The following PPP4R2 variants were observed in gnomAD, a reference collection of about 807,000 sequenced individuals.
PPP4R2 encodes protein phosphatase 4 regulatory subunit 2, also known as serine/threonine-protein phosphatase 4 regulatory subunit 2.
In PPP4R2, 13 loss-of-function variants were observed where a neutral mutation model predicts 47.2. That is an observed-to-expected ratio of 0.28 (90% CI 0.18 to 0.44). The LOEUF (loss-of-function observed/expected upper bound fraction) is 0.44. Among genes scored for constraint, PPP4R2 ranks in the 20% least tolerant of loss-of-function variants. The pLI, the probability that PPP4R2 is intolerant of heterozygous loss-of-function variation, is 1.00. For missense variants in PPP4R2, 421 were observed against 491.2 expected, an observed-to-expected ratio of 0.86 and a Z score of 1.35; for synonymous variants, 151 against 163.3, an observed-to-expected ratio of 0.92 and a Z score of 0.57.
intron 2 of PPP4R2, among the ~76,000 whole-genome samples, chr3:72,999,514 A>G (rs1462699955): frequency 1.3e-5 from 2 of 152,242 alleles, no homozygotes; most frequent in Non-Finnish European, 2.9e-5. Flanking sequence ...GATATACAAG[A>G]TGATATCAAA....
intron 2 of PPP4R2, among the ~76,000 whole-genome samples, chr3:73,021,902 T>TATATATA (rs761206720): frequency 8.9e-6 from 1 of 112,232 alleles, no homozygotes; most frequent in African/African-American, 3.7e-5. Flanking sequence ...ATATATATAT[T>TATATATA]TTTTTTTTTT....
chr3:73,022,317 T>G (rs184386127), intron 2 of PPP4R2, among the ~76,000 whole-genome samples: 11 of 146,768 alleles, frequency 7.5e-5, no homozygotes, highest in Non-Finnish European at 1.4e-4. Context: ...TTTAAGAGAG[T>G]AATTTTTTTC....
At chr3:73,011,368 C>T (rs1701721807) in intron 2 of PPP4R2, among the ~76,000 whole-genome samples, 1 of 152,102 alleles carries the variant, frequency 6.6e-6, no homozygotes, top group African/African-American at 2.4e-5. Context: ...TTAGTCGCAG[C>T]TGCTCGGGAG....
At chr3:73,034,541 T>C (rs1329036333) in intron 2 of PPP4R2, among the ~76,000 whole-genome samples, 2 of 152,184 alleles carry the variant, frequency 1.3e-5, no homozygotes, top group African/African-American at 2.4e-5. Context: ...GCTATAGTTT[T>C]GTTTTGTTTT....
rs149130255 is a variant in PPP4R2, at chr3:73,013,798, C to T, written c.116+15640C>T. ...GGATTACGGGCACGTGCCACCGTGC[C>T]CAGCTAATTTTTTTGTATTTTTAGT... On this transcript the variant is annotated intron_variant, in intron 2 of 8. Coordinates refer to ENST00000356692, the MANE Select transcript of PPP4R2 (RefSeq NM_174907.4). Among the ~76,000 whole-genome samples, 477 of 152,224 alleles carry T rather than the reference C, an allele frequency of 3.1e-3. 1 individual carries two copies. The highest frequency in any genetic ancestry group is 0.014 in the Middle Eastern group (4 of 294).
At chr3:73,044,302 A>G (rs983260602) in intron 2 of PPP4R2, among the ~76,000 whole-genome samples, 1 of 152,112 alleles carries the variant, frequency 6.6e-6, no homozygotes, top group Admixed American at 6.6e-5. Flanking sequence ...GCAATGCACA[A>G]GAGTTTTGGT....
intron 2 of PPP4R2, among the ~76,000 whole-genome samples, chr3:73,019,158 A>G (rs1414235471): frequency 6.6e-6 from 1 of 152,158 alleles, no homozygotes; most frequent in Non-Finnish European, 1.5e-5. Flanking sequence ...ACTTACCATT[A>G]CAGGTTTGCA....
chr3:73,063,097 C>G (rs188538), intron 5 of PPP4R2: 1 of 580,610 alleles, frequency 1.7e-6, no homozygotes, highest in East Asian at 3.2e-5. Context: ...TATTGGGGAG[C>G]TGTCACCACG....
intron 3 of PPP4R2, among the ~76,000 whole-genome samples, chr3:73,053,037 A>C (rs1201223472): frequency 1.3e-5 from 2 of 152,190 alleles, no homozygotes; most frequent in Non-Finnish European, 2.9e-5. Context: ...TGATTCAGGG[A>C]CTGAGAGAAT....
chr3:73,017,497 G>A (rs1186836826), intron 2 of PPP4R2, among the ~76,000 whole-genome samples: 2 of 152,162 alleles, frequency 1.3e-5, no homozygotes, highest in African/African-American at 2.4e-5. Flanking sequence ...CTAGCCACTG[G>A]TGGGTCCCCT....
chr3:73,015,302 C>T (rs950197379), intron 2 of PPP4R2, among the ~76,000 whole-genome samples: 1 of 151,750 alleles, frequency 6.6e-6, no homozygotes, highest in African/African-American at 2.4e-5. Flanking sequence ...GCCTCAGCCT[C>T]CTGAGTAGCT....
At chr3:73,043,684 TAATG>T (rs1384630369) in intron 2 of PPP4R2, among the ~76,000 whole-genome samples, 4 of 152,260 alleles carry the variant, frequency 2.6e-5, no homozygotes, top group Non-Finnish European at 5.9e-5. Context: ...TAATAGATAA[TAATG>T]CTGAGCATCT....
chr3:73,052,739 A>T (rs1327515913), intron 3 of PPP4R2, among the ~76,000 whole-genome samples: 1 of 152,212 alleles, frequency 6.6e-6, no homozygotes, highest in Non-Finnish European at 1.5e-5. Context: ...TGTTACCTCT[A>T]AGTCCTCTCT....
intron 2 of PPP4R2, among the ~76,000 whole-genome samples, chr3:73,029,748 A>G (rs1702134501): frequency 6.6e-6 from 1 of 151,976 alleles, no homozygotes; most frequent in Non-Finnish European, 1.5e-5. Context: ...AAGTGTAGAT[A>G]GAAAAGAGAG....
At position 73,065,708 on chromosome 3, in the gene PPP4R2, A is replaced by G. The variant is rs749611177; in HGVS notation, c.1240A>G (p.Met414Val). The change falls in exon 9 of 9, where the codon ATG becomes GTG. Residue 414 changes from methionine (M) to valine (V), a missense_variant. Physicochemically the swap from Met to Val is conservative, Grantham distance 21. Transcript: ENST00000356692. The stretch of plus-strand genomic sequence containing the variant: ...AGCCACAGAAGTCACCGATGAACCA[A>G]TGGAACAAGACTAACTATTTAGAAA... ...DEATEVTDEP[M>V]EQD The G allele has an allele frequency of 3.7e-6, 6 of 1,603,568 alleles. No individual in the cohort carries two copies. The highest frequency in any genetic ancestry group is 1.7e-5 in the Admixed American group (1 of 59,448).
chr3:73,053,951 A>G lies in PPP4R2; in HGVS notation c.288-5086A>G, dbSNP rs148458580. ...CGAAATCTGTCATTTGATTTGAGAC[A>G]TAAGATTATATGTGTATGAATTTTC... On this transcript the variant is annotated intron_variant, in intron 3 of 8. Coordinates refer to ENST00000356692, the MANE Select transcript of PPP4R2 (RefSeq NM_174907.4). 6.7e-3 allele frequency among the ~76,000 whole-genome samples: 1,012 copies of G among 151,164 alleles called. 8 individuals carry two copies. The highest frequency in any genetic ancestry group is 9.6e-3 in the Non-Finnish European group (649 of 67,858).
chr3:73,045,743 T>G (rs1702470914), intron 2 of PPP4R2, among the ~76,000 whole-genome samples: 1 of 152,078 alleles, frequency 6.6e-6, no homozygotes, highest in Non-Finnish European at 1.5e-5. Context: ...GCCAGGCTGA[T>G]CTCGAACTCC....
Position 72,997,086 on chromosome 3 carries a change from C to A in PPP4R2, c.34+15C>A. ...GGCGCTGAAAGGTGGGGGTAGCTGC[C>A]CCCTCTCCATTCCCCCTCACCTTCT... is the stretch of plus-strand genomic sequence containing the variant. On this transcript the variant is annotated intron_variant, in intron 1 of 8. Transcript: ENST00000356692. 1 of 1,380,436 alleles carries A rather than the reference C, an allele frequency of 7.2e-7. No homozygotes were observed. Among genetic ancestry groups the A allele is most frequent in the Non-Finnish European group, 9.5e-7 (1 of 1,050,506 alleles). The allele number at this position is 1,380,436 out of a possible 1,614,324, so 85.5% of individuals were successfully genotyped here.
At chr3:73,006,597 CT>C (rs999739310) in intron 2 of PPP4R2, among the ~76,000 whole-genome samples, 1 of 152,070 alleles carries the variant, frequency 6.6e-6, no homozygotes, top group Middle Eastern at 3.4e-3. Context: ...TCCACTTCTG[CT>C]TTTTTTTGAA....
Sources: allele counts gnomAD v4.1 joint callset (sites outside exome capture counted in the v4.1 genomes callset), GRCh38; gene constraint gnomAD v4.1.1; transcripts MANE v1.5; gene names NCBI Gene and HGNC (gene_info 2026-07-23, HGNC 2026-07-21).